The following TIAM1 variants were observed in gnomAD, a reference collection of about 807,000 sequenced individuals.
TIAM1 encodes the protein rho guanine nucleotide exchange factor TIAM1.
A neutral mutation model predicts 163.5 loss-of-function variants in TIAM1; 65 were observed. The ratio of observed to expected loss-of-function variants is 0.40; its 90% CI spans 0.33 to 0.49. The LOEUF is 0.49. TIAM1 is among the 20% of genes least tolerant of loss of function. The pLI is 0.77. For missense variants in TIAM1, 1,789 were observed against 2,044.7 expected (o/e 0.87, Z 2.41); for synonymous variants, 833 against 810.1 (o/e 1.03, Z -0.48).
chr21:31,250,591 T>C (rs913883887), intron 5 of TIAM1, among the ~76,000 whole-genome samples: 3 of 152,218 alleles, frequency 2.0e-5, no homozygotes, highest in Non-Finnish European at 4.4e-5. Context: ...TGAAATCCAG[T>C]ATCGAACGGT....
intron 2 of TIAM1, among the ~76,000 whole-genome samples, chr21:31,307,818 G>A (rs1308223526): frequency 3.3e-5 from 5 of 152,156 alleles, no homozygotes. Context: ...CACTGGAGAG[G>A]AGGGAAGGTT....
At chr21:31,475,976 C>T (rs1468762922) in intron 1 of TIAM1, among the ~76,000 whole-genome samples, 1 of 152,208 alleles carries the variant, frequency 6.6e-6, no homozygotes, top group African/African-American at 2.4e-5. Context: ...CGGCTGCCTA[C>T]TGCCTGCTTA....
At chr21:31,275,557 G>A (rs1483029542) in intron 3 of TIAM1, among the ~76,000 whole-genome samples, 2 of 152,076 alleles carry the variant, frequency 1.3e-5, no homozygotes, top group Admixed American at 6.6e-5. Context: ...TGTATCTATG[G>A]CAGCGTTATT....
chr21:31,507,179 A>ATTTTTTTTTTT (rs572356384), intron 1 of TIAM1, among the ~76,000 whole-genome samples: 3 of 44,540 alleles, frequency 6.7e-5, no homozygotes, highest in African/African-American at 2.0e-4. Flanking sequence ...CACCTTTTTA[A>ATTTTTTTTTTT]TTTTTTTTTT....
chr21:31,379,102 G>C (rs975089567), intron 2 of TIAM1, among the ~76,000 whole-genome samples: 3 of 152,150 alleles, frequency 2.0e-5, no homozygotes, highest in Admixed American at 6.5e-5. Flanking sequence ...CTCCCAAGTA[G>C]CTAAGATTAC....
At chr21:31,124,054 T>C (rs2146206215) in intron 27 of TIAM1, 2 of 153,474 alleles carry the variant, frequency 1.3e-5, no homozygotes, top group Middle Eastern at 6.7e-3. Flanking sequence ...TCCTTACTAC[T>C]GAGAGCAGGC....
In TIAM1 at chr21:31,349,454, C is replaced by T. The variant is rs180702733; in HGVS notation, c.-368-10032G>A. On this transcript the variant is annotated intron_variant, in intron 2 of 28. Transcript: ENST00000286827. ...ACAGTAAGGCTTTTGATTTCAAGGG[C>T]CCTGGGTGCCTTGCACAAATGGTGC... Among the ~76,000 whole-genome samples the T allele has an allele frequency of 1.6e-4, 24 of 152,302 alleles. No homozygotes were observed. The East Asian group carries it at 3.3e-3, about 21-fold the overall frequency.
rs143505459 is a variant in TIAM1 at position 31,521,824 on chromosome 21, A to G, written c.-422+37103T>C. ...TCTAATAATTTTTTTTGTTTGTTAG[A>G]GTATCACTCTGGCCCAGGCTAGAAT... On this transcript the variant is annotated intron_variant, in intron 1 of 28. Transcript: ENST00000286827. 1.6e-3 allele frequency among the ~76,000 whole-genome samples: 248 copies of G among 151,836 alleles called. 1 individual carries two copies. The highest frequency in any genetic ancestry group is 5.5e-3 in the African/African-American group (228 of 41,418).
At chr21:31,465,762 G>T (rs1421740551) in intron 1 of TIAM1, among the ~76,000 whole-genome samples, 1 of 152,168 alleles carries the variant, frequency 6.6e-6, no homozygotes, top group African/African-American at 2.4e-5. Context: ...AGTAGAGACG[G>T]GGTTTCACCG....
chr21:31,339,914 C>T (rs767206090), intron 1 of TIAM1, among the ~76,000 whole-genome samples: 39 of 152,130 alleles, frequency 2.6e-4, no homozygotes, highest in Non-Finnish European at 4.7e-4. Context: ...CTCATGAAAA[C>T]GACGCCTCCT....
intron 14 of TIAM1, among the ~76,000 whole-genome samples, chr21:31,184,364 C>T (rs973638576): frequency 1.3e-5 from 2 of 152,156 alleles, no homozygotes; most frequent in Non-Finnish European, 2.9e-5. Flanking sequence ...CCTTGGCCTC[C>T]CAAAGTGCTG....
chr21:31,239,384 C>A (rs1369859867), intron 6 of TIAM1, among the ~76,000 whole-genome samples: 2 of 151,988 alleles, frequency 1.3e-5, no homozygotes, highest in East Asian at 1.9e-4. Flanking sequence ...CCTGCCTTGG[C>A]CCCCCAAAGT....
intron 2 of TIAM1, among the ~76,000 whole-genome samples, chr21:31,434,524 C>T (rs1423027069): frequency 6.6e-6 from 1 of 152,170 alleles, no homozygotes; most frequent in Non-Finnish European, 1.5e-5. Context: ...ATGTTATGCT[C>T]GAATATTGTG....
At position 31,182,566 on chromosome 21, in the gene TIAM1, G is replaced by A. The variant is rs768423458; in HGVS notation, c.2742C>T (p.Phe914=). ...GGAGGCCCAGCGAGGGCTGTGAGAG[G>A]AAATCTTTGAGCATAGAAGAGTTCA... is the stretch of plus-strand genomic sequence containing the variant. ...DALNSSMLKD[F]LSQPSLGLLV... Residue 914 remains phenylalanine (F), a synonymous_variant, in exon 15 of 28, where the codon TTC becomes TTT. Transcript: ENST00000541036. 1.2e-6 allele frequency: 2 copies of A among 1,614,140 alleles called. No homozygotes were observed. The highest frequency in any genetic ancestry group is 2.2e-5 in the East Asian group (1 of 44,870).
intron 13 of TIAM1, among the ~76,000 whole-genome samples, chr21:31,189,337 G>T (rs1340394792): frequency 6.6e-6 from 1 of 151,936 alleles, no homozygotes; most frequent in Non-Finnish European, 1.5e-5. Flanking sequence ...TTACAGGTGT[G>T]AGCCATCACA....
At chr21:31,333,590 AC>A (rs1479607569) in intron 2 of TIAM1, among the ~76,000 whole-genome samples, 1 of 152,036 alleles carries the variant, frequency 6.6e-6, no homozygotes, top group Admixed American at 6.6e-5. Flanking sequence ...GACATGCACC[AC>A]CACACCCTGG....
At chr21:31,315,933 C>T (rs913049465) in intron 2 of TIAM1, among the ~76,000 whole-genome samples, 4 of 152,170 alleles carry the variant, frequency 2.6e-5, no homozygotes, top group Admixed American at 6.5e-5. Context: ...GCCGAGATCG[C>T]GCCACTGCAC....
At chr21:31,346,507 G>A (rs2076150507), upstream of TIAM1, among the ~76,000 whole-genome samples, 1 of 152,136 alleles carries the variant, frequency 6.6e-6, no homozygotes. Context: ...AATCATGAAG[G>A]GGATGGGAGA....
intron 2 of TIAM1, among the ~76,000 whole-genome samples, chr21:31,390,731 G>A (rs1045295141): frequency 1.3e-5 from 2 of 152,134 alleles, no homozygotes; most frequent in Non-Finnish European, 2.9e-5. Flanking sequence ...CTGTTTGATC[G>A]AGCCCAGAGC....
Sources: allele counts gnomAD v4.1 joint callset (sites outside exome capture counted in the v4.1 genomes callset), GRCh38; gene constraint gnomAD v4.1.1; transcripts MANE v1.5; gene names NCBI Gene and HGNC (gene_info 2026-07-23, HGNC 2026-07-21).